CSMD1: variants seen among roughly 807,000 people sequenced by gnomAD.
CSMD1 encodes the protein CUB and Sushi multiple domains 1, also known as CUB and sushi domain-containing protein 1.
A neutral mutation model predicts 417.5 loss-of-function variants in CSMD1; 213 were observed. That is an observed-to-expected ratio of 0.51 (90% CI 0.46 to 0.57). CSMD1 has a LOEUF of 0.57. CSMD1 is among the 20% of genes least tolerant of loss of function. CSMD1 has a pLI of 0.00. For missense variants in CSMD1, 6,923 were observed against 4,529.7 expected (o/e 1.53, Z -15.17); for synonymous variants, 2,862 against 1,736.8 (o/e 1.65, Z -16.11).
At chr8:4,790,194 A>G (rs1330439600) in intron 1 of CSMD1, among the ~76,000 whole-genome samples, 1 of 152,200 alleles carries the variant, frequency 6.6e-6, no homozygotes, top group Non-Finnish European at 1.5e-5. Context: ...ATCACATCCA[A>G]GCTGAGAGCC....
intron 47 of CSMD1, among the ~76,000 whole-genome samples, chr8:3,093,994 T>C (rs759987122): frequency 5.3e-4 from 80 of 152,208 alleles, no homozygotes; most frequent in Non-Finnish European, 9.7e-4. Flanking sequence ...TATTCTGAGA[T>C]AAAATGCCAC....
intron 3 of CSMD1, among the ~76,000 whole-genome samples, chr8:4,132,872 T>C (rs1344120647): frequency 6.6e-6 from 1 of 152,204 alleles, no homozygotes; most frequent in Non-Finnish European, 1.5e-5. Context: ...ATGAAATTTA[T>C]TCTATTTCTA....
intron 6 of CSMD1, among the ~76,000 whole-genome samples, chr8:3,748,591 C>A (rs1307557413): frequency 6.6e-6 from 1 of 152,208 alleles, no homozygotes; most frequent in East Asian, 1.9e-4. Context: ...GGCAACCATG[C>A]ATGCCACCAG....
chr8:3,671,743 G>T lies in CSMD1; in HGVS notation c.1009+36671C>A, dbSNP rs548712895. On this transcript the variant is annotated intron_variant, in intron 7 of 69. Transcript: ENST00000635120. ...TGCCCAGCACCGGCAGGCTGCCTGGGACACAAAACAGGCCCCTTGCTCAGG... is the reference window on the plus strand; with the variant it reads ...TGCCCAGCACCGGCAGGCTGCCTGGTACACAAAACAGGCCCCTTGCTCAGG... Among the ~76,000 whole-genome samples, 17 of 151,878 alleles carry T rather than the reference G, an allele frequency of 1.1e-4. 2 individuals are homozygous for T. The South Asian group carries it at 3.5e-3, about 32-fold the overall frequency.
chr8:3,572,175 G>C (rs553867588), intron 10 of CSMD1, among the ~76,000 whole-genome samples: 74 of 152,282 alleles, frequency 4.9e-4, no homozygotes, highest in African/African-American at 1.8e-3. Flanking sequence ...GCGCATTCGA[G>C]CACTCCTTCT....
intron 3 of CSMD1, among the ~76,000 whole-genome samples, chr8:4,182,342 A>G (rs929657127): frequency 6.6e-6 from 1 of 152,152 alleles, no homozygotes; most frequent in African/African-American, 2.4e-5. Context: ...GTAATCCCCA[A>G]TACACCTTCC....
At chr8:4,599,764 T>C (rs1180471130) in intron 2 of CSMD1, among the ~76,000 whole-genome samples, 2 of 152,178 alleles carry the variant, frequency 1.3e-5, no homozygotes, top group Non-Finnish European at 2.9e-5. Flanking sequence ...ACAATAATTC[T>C]CACAGTTCAC....
intron 3 of CSMD1, among the ~76,000 whole-genome samples, chr8:4,325,856 G>T (rs1799528907): frequency 6.6e-6 from 1 of 152,076 alleles, no homozygotes; most frequent in Non-Finnish European, 1.5e-5. Context: ...CCACCTGATG[G>T]CTGGAATTGA....
chr8:3,246,001 T>C (rs1799856458), intron 26 of CSMD1, among the ~76,000 whole-genome samples: 1 of 152,208 alleles, frequency 6.6e-6, no homozygotes, highest in African/African-American at 2.4e-5. Flanking sequence ...AGGCAGAAGT[T>C]TTGGTTTTAA....
At position 3,218,140 on chromosome 8, in the gene CSMD1, G is replaced by A. The variant is rs561003525; in HGVS notation, c.4672+1115C>T. Among the ~76,000 whole-genome samples the A allele has an allele frequency of 1.1e-4, 17 of 152,314 alleles. No homozygotes were observed. In the South Asian group the frequency reaches 3.5e-3, roughly 32 times the overall value. On this transcript the variant is annotated intron_variant, in intron 29 of 69. Transcript: ENST00000635120. ...CAGGGAATGGTTTATAGCAAATCAA[G>A]GGTAAATCACTGATCTGATGATAAA...
At chr8:4,546,689 G>C (rs1196678836) in intron 2 of CSMD1, among the ~76,000 whole-genome samples, 3 of 152,100 alleles carry the variant, frequency 2.0e-5, no homozygotes, top group Non-Finnish European at 4.4e-5. Context: ...GTAGATAGCA[G>C]ATCATGAGAC....
intron 2 of CSMD1, among the ~76,000 whole-genome samples, chr8:4,445,583 G>A (rs1563181633): frequency 6.6e-6 from 1 of 152,104 alleles, no homozygotes. Context: ...ATAATACGCT[G>A]GTGTTTAAGA....
intron 3 of CSMD1, among the ~76,000 whole-genome samples, chr8:4,279,207 A>AAC (rs111435983): frequency 3.9e-5 from 6 of 151,952 alleles, no homozygotes; most frequent in East Asian, 1.9e-4. Context: ...TATACACACT[A>AAC]ACACACACAC....
intron 3 of CSMD1, among the ~76,000 whole-genome samples, chr8:4,198,375 A>G (rs1799461005): frequency 6.6e-6 from 1 of 152,250 alleles, no homozygotes; most frequent in Non-Finnish European, 1.5e-5. Flanking sequence ...ACTTTGTCCT[A>G]CACTGTGATG....
At chr8:4,427,563 C>G (rs1216000773) in intron 2 of CSMD1, among the ~76,000 whole-genome samples, 6 of 151,870 alleles carry the variant, frequency 4.0e-5, no homozygotes, top group African/African-American at 7.3e-5. Context: ...ATACATCTTA[C>G]CAGATTAAAA....
intron 1 of CSMD1, among the ~76,000 whole-genome samples, chr8:4,934,661 T>C (rs1479742734): frequency 6.6e-6 from 1 of 150,806 alleles, no homozygotes; most frequent in Non-Finnish European, 1.5e-5. Context: ...TGATCAATTA[T>C]TGACCTATCA....
intron 5 of CSMD1, among the ~76,000 whole-genome samples, chr8:3,929,131 G>C (rs1180037344): frequency 6.7e-6 from 1 of 150,284 alleles, no homozygotes; most frequent in African/African-American, 2.5e-5. Flanking sequence ...ACATAAGCAA[G>C]ATGCTTTCTA....
intron 2 of CSMD1, among the ~76,000 whole-genome samples, chr8:4,554,874 A>G (rs549183568): frequency 8.8e-4 from 134 of 152,284 alleles, no homozygotes; most frequent in Middle Eastern, 3.4e-3. Context: ...GAAGGTTGCC[A>G]GGCCCAGGTG....
At chr8:4,460,496 A>AT (rs768166434) in intron 2 of CSMD1, among the ~76,000 whole-genome samples, 21 of 152,178 alleles carry the variant, frequency 1.4e-4, no homozygotes, top group Non-Finnish European at 2.8e-4. Context: ...CAAGTATACA[A>AT]TAGAAAAAAA....
Sources: gnomAD v4.1 joint callset for allele counts (sites outside exome capture counted in the v4.1 genomes callset) on GRCh38, gnomAD v4.1.1 for gene constraint, MANE v1.5 for transcripts, NCBI Gene and HGNC (gene_info 2026-07-23, HGNC 2026-07-21) for gene names.